The following ESRRG variants were observed in gnomAD, a reference collection of about 807,000 sequenced individuals.
ESRRG encodes the protein estrogen-related receptor gamma.
A neutral mutation model predicts 44.0 loss-of-function variants in ESRRG; 13 were observed. The observed-to-expected ratio is 0.30, with a 90% CI of 0.19 to 0.47. The LOEUF (loss-of-function observed/expected upper bound fraction) is 0.47. ESRRG is among the 20% of genes least tolerant of loss of function. The pLI is 1.00. For missense variants in ESRRG, 395 were observed against 580.6 expected (o/e 0.68, Z 3.29); for synonymous variants, 215 against 214.6 (o/e 1.00, Z -0.02).
intron 1 of ESRRG, among the ~76,000 whole-genome samples, chr1:216,974,002 T>C (rs2072319828): frequency 6.6e-6 from 1 of 152,166 alleles, no homozygotes; most frequent in Non-Finnish European, 1.5e-5. Flanking sequence ...CCAACCCCAC[T>C]AGTTATAACA....
At chr1:217,063,856 T>C (rs2089096443) in intron 1 of ESRRG, among the ~76,000 whole-genome samples, 1 of 152,006 alleles carries the variant, frequency 6.6e-6, no homozygotes, top group Non-Finnish European at 1.5e-5. Flanking sequence ...GATTCAAACT[T>C]TGTGGTTCTC....
At chr1:216,701,277 T>C (rs1435248318) in intron 1 of ESRRG, 7 of 152,204 alleles carry the variant, frequency 4.6e-5, no homozygotes. Context: ...TGCACCACAC[T>C]ATCTTGCTTC....
intron 2 of ESRRG, among the ~76,000 whole-genome samples, chr1:216,815,955 G>A (rs1559744218): frequency 6.6e-6 from 1 of 152,194 alleles, no homozygotes; most frequent in Non-Finnish European, 1.5e-5. Flanking sequence ...GTGGCTTCCA[G>A]AGGAAAATGT....
At chr1:216,769,691 T>C (rs1050773855) in intron 2 of ESRRG, among the ~76,000 whole-genome samples, 1 of 152,092 alleles carries the variant, frequency 6.6e-6, no homozygotes, top group African/African-American at 2.4e-5. Flanking sequence ...ACACTAGCCA[T>C]AGGGATATGG....
chr1:216,589,496 A>G (rs2057282070), intron 3 of ESRRG, among the ~76,000 whole-genome samples: 1 of 152,192 alleles, frequency 6.6e-6, no homozygotes, highest in Admixed American at 6.5e-5. Context: ...TGTAGAATGA[A>G]AAGACAAGGA....
At chr1:216,779,451 T>A (rs1268285705) in intron 2 of ESRRG, among the ~76,000 whole-genome samples, 1 of 83,904 alleles carries the variant, frequency 1.2e-5, no homozygotes, top group Non-Finnish European at 2.0e-5. Flanking sequence ...TAAATATTTA[T>A]AAATATAAAT....
intron 1 of ESRRG, among the ~76,000 whole-genome samples, chr1:217,113,818 C>T (rs1039483690): frequency 6.6e-6 from 1 of 151,996 alleles, no homozygotes. Flanking sequence ...AGTGAGACTT[C>T]ATCTCTACAA....
chr1:217,035,643 A>C (rs1324862371), intron 1 of ESRRG, among the ~76,000 whole-genome samples: 8 of 151,890 alleles, frequency 5.3e-5, no homozygotes, highest in African/African-American at 1.4e-4. Flanking sequence ...TACAAAAGTC[A>C]AAAACTTTAA....
intron 1 of ESRRG, among the ~76,000 whole-genome samples, chr1:217,085,376 C>T (rs1466797249): frequency 1.3e-5 from 2 of 151,916 alleles, no homozygotes; most frequent in Non-Finnish European, 2.9e-5. Context: ...CTTTTGGCAC[C>T]ACCACTAATT....
intron 2 of ESRRG, among the ~76,000 whole-genome samples, chr1:216,829,228 A>G (rs2095446113): frequency 6.6e-6 from 1 of 152,090 alleles, no homozygotes; most frequent in Non-Finnish European, 1.5e-5. Flanking sequence ...AGCTCCTGAC[A>G]CACCTGGAGT....
rs11572624 is a variant in ESRRG at position 216,777,065 on chromosome 1, G to A, written c.-13-99574C>T. Among the ~76,000 whole-genome samples the A allele has an allele frequency of 3.8e-3, 578 of 152,224 alleles. 2 individuals are homozygous for A. Among genetic ancestry groups the A allele is most frequent in the African/African-American group, 0.013 (549 of 41,528 alleles). On this transcript the variant is annotated intron_variant, in intron 2 of 7. Transcript: ENST00000359162. ...ATTTATCCTACTCTCTTCCCAGTGA[G>A]GTACTACTGGCATGATCCATGGGAA...
At chr1:216,818,624 A>G (rs1238550518) in intron 2 of ESRRG, among the ~76,000 whole-genome samples, 1 of 151,542 alleles carries the variant, frequency 6.6e-6, no homozygotes, top group African/African-American at 2.4e-5. Flanking sequence ...CTTTCATTTT[A>G]AGTTCCAGGG....
At chr1:216,901,040 A>G (rs1409218471) in intron 2 of ESRRG, among the ~76,000 whole-genome samples, 1 of 152,186 alleles carries the variant, frequency 6.6e-6, no homozygotes, top group Non-Finnish European at 1.5e-5. Flanking sequence ...TCCCAGATTC[A>G]TTGCTGCTGG....
chr1:216,584,519 G>A (rs999009947), intron 3 of ESRRG, among the ~76,000 whole-genome samples: 3 of 152,106 alleles, frequency 2.0e-5, no homozygotes, highest in African/African-American at 7.2e-5. Context: ...GCCTCCCAAA[G>A]TGCTGGGATT....
chr1:216,672,819 A>G (rs890939812), intron 2 of ESRRG, among the ~76,000 whole-genome samples: 6 of 152,164 alleles, frequency 3.9e-5, no homozygotes, highest in African/African-American at 9.7e-5. Flanking sequence ...GTGAGCCAAG[A>G]TCACATCACT....
intron 1 of ESRRG, among the ~76,000 whole-genome samples, chr1:217,106,392 G>GCACA (rs3075354): frequency 4.4e-4 from 36 of 82,358 alleles, no homozygotes; most frequent in East Asian, 1.0e-3. Flanking sequence ...ACTCACATAT[G>GCACA]CACACACACA....
At chr1:216,996,414 G>A (rs543478714) in intron 1 of ESRRG, among the ~76,000 whole-genome samples, 68 of 151,700 alleles carry the variant, frequency 4.5e-4, no homozygotes, top group African/African-American at 1.2e-3. Context: ...GAAGAAGATA[G>A]GTAACAGTAT....
At chr1:216,626,310 A>G (rs2063176999) in intron 3 of ESRRG, among the ~76,000 whole-genome samples, 1 of 152,048 alleles carries the variant, frequency 6.6e-6, no homozygotes, top group Admixed American at 6.6e-5. Context: ...CCCTCGGCTT[A>G]TTATCAGCAA....
chr1:217,109,946 A>G (rs1018995616), intron 1 of ESRRG, among the ~76,000 whole-genome samples: 4 of 152,206 alleles, frequency 2.6e-5, no homozygotes, highest in Non-Finnish European at 5.9e-5. Flanking sequence ...AAGTTGGAGT[A>G]GGTGAGCCCT....
Sources: gnomAD v4.1 joint callset for allele counts (sites outside exome capture counted in the v4.1 genomes callset) on GRCh38, gnomAD v4.1.1 for gene constraint, MANE v1.5 for transcripts, NCBI Gene and HGNC (gene_info 2026-07-23, HGNC 2026-07-21) for gene names.